Variants in ADGRG5 observed in about 807,000 individuals in gnomAD.
The protein encoded by ADGRG5 is adhesion G protein-coupled receptor G5, also known as G protein-coupled receptor 114.
ADGRG5 carries 37 observed loss-of-function variants against 53.2 expected under a neutral mutation model. The observed-to-expected ratio is 0.70, with a 90% CI of 0.53 to 0.91. The LOEUF (loss-of-function observed/expected upper bound fraction) is 0.91. Among genes scored for constraint, ADGRG5 ranks in the 40% least tolerant of loss-of-function variants. The pLI is 0.00. For synonymous variants in ADGRG5, 277 were observed against 290.4 expected, an observed-to-expected ratio of 0.95 and a Z score of 0.47; for missense variants, 614 against 675.8, an observed-to-expected ratio of 0.91 and a Z score of 1.01.
intron 6 of ADGRG5, chr16:57,566,268 C>T (rs1204076480): frequency 1.8e-5 from 4 of 226,150 alleles, no homozygotes; most frequent in African/African-American, 6.8e-5. Flanking sequence ...GGTTATGGAG[C>T]GCCTACTGTA....
chr16:57,570,634 C>T (rs2033327863), intron 10 of ADGRG5, 99 bp downstream of exon 10: 14 of 873,254 alleles, frequency 1.6e-5, no homozygotes, highest in Non-Finnish European at 2.4e-5. Context: ...AAAGCACTGG[C>T]TGTGGGGCAG....
intron 1 of ADGRG5, among the ~76,000 whole-genome samples, chr16:57,560,935 C>A (rs2032986378): frequency 6.6e-6 from 1 of 152,116 alleles, no homozygotes; most frequent in Non-Finnish European, 1.5e-5. Flanking sequence ...GGCCACCATA[C>A]CCAGCTAATT....
In ADGRG5 at chr16:57,542,669, A is replaced by C. The variant is rs1426694912; in HGVS notation, c.-71A>C. The C allele has an allele frequency of 6.6e-6, 1 of 152,204 alleles. No individual in the cohort carries two copies. The allele number at this position is 152,204 out of a possible 1,614,324, so 9.4% of individuals were successfully genotyped here. On this transcript the variant is annotated 5_prime_UTR_variant, in exon 1 of 12. Coordinates refer to ENST00000349457, the MANE Select transcript of ADGRG5 (RefSeq NM_001304376.3). Reference sequence around the variant, plus strand: ...CAGAAGCTACAAGACAGCAGCCGAGACAGCAGCTGAGACGGCAGCGGCAGC... The same window carrying C: ...CAGAAGCTACAAGACAGCAGCCGAGCCAGCAGCTGAGACGGCAGCGGCAGC...
chr16:57,573,790 C>T (rs776231863), intron 10 of ADGRG5, among the ~76,000 whole-genome samples: 5 of 152,238 alleles, frequency 3.3e-5, no homozygotes, highest in South Asian at 2.1e-4. Flanking sequence ...GGTGCGATCT[C>T]GGCTCACTGC....
At chr16:57,532,567 CACA>C in the ADGRG5 span, among the ~76,000 whole-genome samples, 2 of 152,190 alleles carry the variant, frequency 1.3e-5, no homozygotes, top group Non-Finnish European at 2.9e-5. Flanking sequence ...CGGACAGGCA[CACA>C]ACGACACGGG....
At chr16:57,557,130 G>T (rs374040840) in intron 1 of ADGRG5, among the ~76,000 whole-genome samples, 57 of 152,002 alleles carry the variant, frequency 3.7e-4, no homozygotes, top group African/African-American at 1.3e-3. Context: ...GGCTGGTTTC[G>T]AACCCCTGGG....
At chr16:57,557,148 G>A (rs536612274) in intron 1 of ADGRG5, among the ~76,000 whole-genome samples, 7 of 152,150 alleles carry the variant, frequency 4.6e-5, no homozygotes, top group South Asian at 4.2e-4. Flanking sequence ...GGGCTCAAGC[G>A]ATCTACCCAC....
At chr16:57,534,084 C>T in the ADGRG5 span, among the ~76,000 whole-genome samples, 2 of 152,192 alleles carry the variant, frequency 1.3e-5, no homozygotes, top group Non-Finnish European at 2.9e-5. Context: ...ATGCCCATGT[C>T]CCAGACTCCA....
Position 57,571,492 on chromosome 16 carries a change from C to T in ADGRG5, c.1208+957C>T, listed in dbSNP as rs1425175956. Reference sequence around the variant, plus strand: ...GGCTGATCCCTCTCACATTGAGGCTCGGGTGTATCAGAGGACATGTGACTT... The same window carrying T: ...GGCTGATCCCTCTCACATTGAGGCTTGGGTGTATCAGAGGACATGTGACTT... On this transcript the variant is annotated intron_variant, in intron 10 of 11. Coordinates refer to ENST00000349457, the MANE Select transcript of ADGRG5 (RefSeq NM_001304376.3). Among the ~76,000 whole-genome samples the T allele has an allele frequency of 3.3e-5, 5 of 152,140 alleles. No homozygotes were observed. The South Asian group carries it at 1.0e-3, about 32-fold the overall frequency.
intron 10 of ADGRG5, 112 bp downstream of exon 10, chr16:57,570,647 A>G: frequency 1.3e-6 from 1 of 789,866 alleles, no homozygotes; most frequent in Non-Finnish European, 2.1e-6. Flanking sequence ...TGGGGCAGAG[A>G]GGGAGCTGGG....
At chr16:57,554,660 G>T (rs1273474705) in intron 1 of ADGRG5, among the ~76,000 whole-genome samples, 2 of 152,142 alleles carry the variant, frequency 1.3e-5, no homozygotes, top group East Asian at 1.9e-4. Context: ...ACAGGTGTGA[G>T]CCACCACGCT....
rs558567162 is a variant in ADGRG5 at position 57,574,768 on chromosome 16, C to T, written c.1209-47C>T. 16 of 1,520,210 alleles carry T rather than the reference C, an allele frequency of 1.1e-5. No homozygotes were observed. Among genetic ancestry groups the T allele is most frequent in the East Asian group, 9.1e-5 (4 of 43,902 alleles). 94.2% of individuals were successfully genotyped at this position (1,520,210 alleles called of 1,614,324 possible). A position where few individuals can be genotyped will look rare whatever the true frequency, so the allele number is the denominator to read the frequency against. On this transcript the variant is annotated intron_variant, in intron 10 of 11. Transcript: ENST00000349457. This position sits in a 1 kb window ranked among gnomAD's most constrained non-coding sequence, Gnocchi z 4.4. Reference sequence around the variant, plus strand: ...TCAGGGAGTGATGCTGGCCTCCCCGCGGGCCTGGGAGCCACTGTGAGCCTG... The same window carrying T: ...TCAGGGAGTGATGCTGGCCTCCCCGTGGGCCTGGGAGCCACTGTGAGCCTG...
At chr16:57,549,279 G>A (rs1265072706) in intron 1 of ADGRG5, among the ~76,000 whole-genome samples, 2 of 152,182 alleles carry the variant, frequency 1.3e-5, no homozygotes, top group African/African-American at 2.4e-5. Flanking sequence ...TAGACAGAGA[G>A]TGCAGGAATG....
At position 57,570,437 on chromosome 16, in the gene ADGRG5, G is replaced by C. The variant is rs1407651699; in HGVS notation, c.1110G>C (p.Val370=). Residue 370 remains valine, a synonymous_variant, in exon 10 of 12, where the codon GTG becomes GTC. Transcript: ENST00000349457. ...VLGWGAPALL[V]LLSLSVKSSV... is the part of the protein sequence containing the mutation. ...CCTCAGGGGCCCCAGCCCTCCTGGT[G>C]CTGCTTTCCCTCTCTGTCAAGAGCT... is the stretch of plus-strand genomic sequence containing the variant. 1.2e-6 allele frequency: 2 copies of C among 1,612,778 alleles called. No homozygotes were observed. Among genetic ancestry groups the C allele is most frequent in the Non-Finnish European group, 1.7e-6 (2 of 1,179,872 alleles).
chr16:57,549,721 C>G, intron 1 of ADGRG5, among the ~76,000 whole-genome samples: 1 of 152,150 alleles, frequency 6.6e-6, no homozygotes, highest in East Asian at 1.9e-4. Context: ...TAGTTAATAT[C>G]TTTTCCCTAC....
At chr16:57,540,025 G>A (rs1224526022), upstream of ADGRG5, among the ~76,000 whole-genome samples, 1 of 152,050 alleles carries the variant, frequency 6.6e-6, no homozygotes, top group Non-Finnish European at 1.5e-5. Context: ...CGGATCACTT[G>A]ACTTGTCAAG....
In ADGRG5 at chr16:57,574,162, C is replaced by T. The variant is rs538838899; in HGVS notation, c.1209-653C>T. On this transcript the variant is annotated intron_variant, in intron 10 of 11. Transcript: ENST00000349457. This position sits in a 1 kb window ranked among gnomAD's most constrained non-coding sequence, Gnocchi z 4.4. Reference sequence around the variant, plus strand: ...TGGGGAGGCAAAGGGCAGAGGCCTCCGGGAGGGCGTGGGACCGGGGCTGGC... The same window carrying T: ...TGGGGAGGCAAAGGGCAGAGGCCTCTGGGAGGGCGTGGGACCGGGGCTGGC... Among the ~76,000 whole-genome samples, 4 of 152,354 alleles carry T rather than the reference C, an allele frequency of 2.6e-5. No homozygotes were observed. Among genetic ancestry groups the T allele is most frequent in the East Asian group, 1.9e-4 (1 of 5,188 alleles).
chr16:57,571,647 CT>C (rs1227900259), intron 10 of ADGRG5, among the ~76,000 whole-genome samples: 1 of 131,444 alleles, frequency 7.6e-6, no homozygotes, highest in Non-Finnish European at 1.6e-5. Flanking sequence ...GATGTATTTT[CT>C]TTTTTTTCTT....
Position 57,574,789 on chromosome 16 carries a change from G to T in ADGRG5, c.1209-26G>T. 1 of 1,542,596 alleles carries T rather than the reference G, an allele frequency of 6.5e-7. No individual in the cohort carries two copies. Reference sequence around the variant, plus strand: ...CCCGCGGGCCTGGGAGCCACTGTGAGCCTGACACGTCACCCTCCCCTGCAG... The same window carrying T: ...CCCGCGGGCCTGGGAGCCACTGTGATCCTGACACGTCACCCTCCCCTGCAG... On this transcript the variant is annotated intron_variant, in intron 10 of 11. Transcript: ENST00000349457. The surrounding 1 kb of genome is among the most constrained non-coding windows in gnomAD (Gnocchi z 4.4).
Sources: allele counts gnomAD v4.1 joint callset (sites outside exome capture counted in the v4.1 genomes callset), GRCh38; gene constraint gnomAD v4.1.1; non-coding constraint Gnocchi (gnomAD v3.1); transcripts MANE v1.5; gene names NCBI Gene and HGNC (gene_info 2026-07-23, HGNC 2026-07-21).